The following TMOD3 variants were observed in gnomAD, a reference collection of about 807,000 sequenced individuals.
TMOD3 encodes the protein tropomodulin-3.
In TMOD3, 20 loss-of-function variants were observed where a neutral mutation model predicts 39.2. The observed-to-expected ratio is 0.51, with a 90% CI of 0.36 to 0.74. The LOEUF (loss-of-function observed/expected upper bound fraction) is 0.74, where lower values mean the gene tolerates loss of function less well. Among genes scored for constraint, TMOD3 ranks in the 30% least tolerant of loss-of-function variants. TMOD3 has a pLI of 0.00. For synonymous variants in TMOD3, 143 were observed against 145.8 expected (o/e 0.98, Z 0.14); for missense variants, 381 against 412.8 (o/e 0.92, Z 0.67).
intron 2 of TMOD3, among the ~76,000 whole-genome samples, chr15:51,866,173 G>A (rs188260072): frequency 2.0e-5 from 3 of 152,134 alleles, no homozygotes; most frequent in Non-Finnish European, 4.4e-5. Flanking sequence ...GACTGTTTTT[G>A]GCCGGGTATA....
chr15:51,871,989 GC>G (rs2141690971), intron 3 of TMOD3, among the ~76,000 whole-genome samples: 1 of 152,136 alleles, frequency 6.6e-6, no homozygotes, highest in African/African-American at 2.4e-5. Flanking sequence ...TAAGATGATA[GC>G]TTTTTTTTAA....
At chr15:51,901,115 G>A (rs150854895) in intron 8 of TMOD3, 1 of 152,244 alleles carries the variant, frequency 6.6e-6, no homozygotes, top group Non-Finnish European at 1.5e-5. Flanking sequence ...TGATCTTTTT[G>A]TGCCTGGCTT....
intron 1 of TMOD3, among the ~76,000 whole-genome samples, chr15:51,849,594 C>T (rs2056351396): frequency 6.6e-6 from 1 of 151,944 alleles, no homozygotes; most frequent in Non-Finnish European, 1.5e-5. Context: ...GTCCCCAAAG[C>T]CAAGTGAGGA....
At chr15:51,859,130 T>A (rs997684079) in intron 1 of TMOD3, 26 of 637,992 alleles carry the variant, frequency 4.1e-5, no homozygotes, top group Non-Finnish European at 7.5e-5. Context: ...ATAATACATA[T>A]TTGCCCACAG....
rs148083501 is a variant in TMOD3 at position 51,889,105 on chromosome 15, A to G, written c.456A>G (p.Ile152Met). 1.2e-6 allele frequency: 2 copies of G among 1,600,086 alleles called. No individual in the cohort carries two copies. The highest frequency in any genetic ancestry group is 1.7e-6 in the Non-Finnish European group (2 of 1,175,380). ...NLITNTKFCN[I>M]MGSSNGVDQE... ...TAACGAATACAAAGTTCTGTAATAT[A>G]ATGGGAAGTAGTAATGGTGTTGACC... The change falls in exon 5 of 10, where the codon ATA (isoleucine) becomes ATG (methionine). Residue 152 changes from isoleucine (I) to methionine (M), a missense_variant. Ile to Met is a conservative substitution (Grantham distance 10, BLOSUM62 1). Transcript: ENST00000308580.
chr15:51,876,767 C>G (rs1444494235), intron 3 of TMOD3, among the ~76,000 whole-genome samples: 1 of 151,910 alleles, frequency 6.6e-6, no homozygotes, highest in East Asian at 1.9e-4. Context: ...GGCCCCAGCG[C>G]TTTTTTTAAA....
chr15:51,876,911 A>T (rs961002807), intron 3 of TMOD3, among the ~76,000 whole-genome samples: 6 of 152,096 alleles, frequency 3.9e-5, no homozygotes, highest in African/African-American at 1.4e-4. Context: ...AAATGAAAAA[A>T]AGTTAGCTGG....
intron 1 of TMOD3, among the ~76,000 whole-genome samples, chr15:51,858,529 A>T (rs990277854): frequency 5.9e-5 from 9 of 151,792 alleles, no homozygotes; most frequent in Non-Finnish European, 8.8e-5. Context: ...AGTTGCCTGC[A>T]ATGTAGTATC....
At chr15:51,900,320 C>T (rs371646282) in intron 8 of TMOD3, 22 bp downstream of exon 8, 12 of 1,612,976 alleles carry the variant, frequency 7.4e-6, no homozygotes, top group Middle Eastern at 1.6e-4. Context: ...ACAATAATAA[C>T]GTCGAGGAAG....
At chr15:51,903,523 T>C (rs1041861120) in intron 9 of TMOD3, among the ~76,000 whole-genome samples, 19 of 152,326 alleles carry the variant, frequency 1.2e-4, no homozygotes, top group Admixed American at 1.2e-3. Flanking sequence ...ACGTGGAAAA[T>C]ATTAGCTCAA....
intron 2 of TMOD3, among the ~76,000 whole-genome samples, chr15:51,866,963 G>T (rs2056449997): frequency 6.6e-6 from 1 of 152,144 alleles, no homozygotes; most frequent in Non-Finnish European, 1.5e-5. Context: ...CTTCCCTGGG[G>T]GAATGGAGCT....
At chr15:51,854,037 A>G (rs2056376121) in intron 1 of TMOD3, among the ~76,000 whole-genome samples, 1 of 152,180 alleles carries the variant, frequency 6.6e-6, no homozygotes, top group Non-Finnish European at 1.5e-5. Flanking sequence ...TTTGGAGTAT[A>G]GGCTATGTGA....
At chr15:51,880,811 A>T (rs928734500) in intron 3 of TMOD3, among the ~76,000 whole-genome samples, 5 of 152,132 alleles carry the variant, frequency 3.3e-5, no homozygotes, top group African/African-American at 1.2e-4. Context: ...TTATATAGAC[A>T]TATGTTTTTA....
At position 51,890,245 on chromosome 15, in the gene TMOD3, T is replaced by C. The variant is rs562563706; in HGVS notation, c.496+1100T>C. ...GTGCAGTGGTACCATCTTGGCTTACTGCAACCTCCGCCTCTCAGGTTCAAG... is the reference window on the plus strand; with the variant it reads ...GTGCAGTGGTACCATCTTGGCTTACCGCAACCTCCGCCTCTCAGGTTCAAG... On this transcript the variant is annotated intron_variant, in intron 5 of 9. Coordinates refer to ENST00000308580, the MANE Select transcript of TMOD3 (RefSeq NM_014547.5). Among the ~76,000 whole-genome samples the C allele has an allele frequency of 3.3e-3, 495 of 151,786 alleles. 2 individuals are homozygous for C. The highest frequency in any genetic ancestry group is 5.9e-3 in the Non-Finnish European group (402 of 67,928).
At chr15:51,887,507 G>T in intron 3 of TMOD3, 82 bp from the exon 4 acceptor site, 1 of 1,420,912 alleles carries the variant, frequency 7.0e-7, no homozygotes, top group Non-Finnish European at 9.6e-7. Context: ...AGGTTCAGTT[G>T]TACATGCTTT....
At chr15:51,859,441 TC>T (rs2056405159) in intron 1 of TMOD3, 1 of 664,910 alleles carries the variant, frequency 1.5e-6, no homozygotes, top group Admixed American at 1.8e-5. Flanking sequence ...TGAATCATTT[TC>T]CTGAAAAAGT....
At chr15:51,902,177 T>G in intron 9 of TMOD3, 141 bp downstream of exon 9, 1 of 934,708 alleles carries the variant, frequency 1.1e-6, no homozygotes, top group Non-Finnish European at 1.6e-6. Context: ...CTTTATATAC[T>G]GATTGAATTC....
chr15:51,858,397 C>T (rs1047919337), intron 1 of TMOD3: 1 of 143,162 alleles, frequency 7.0e-6, no homozygotes, highest in Non-Finnish European at 1.5e-5. Flanking sequence ...GGACGCTTAA[C>T]AAACAGTAAT....
At chr15:51,863,647 G>A (rs566382967) in intron 2 of TMOD3, among the ~76,000 whole-genome samples, 108 of 152,298 alleles carry the variant, frequency 7.1e-4, no homozygotes, top group Middle Eastern at 3.4e-3. Flanking sequence ...GTTGGAGGAC[G>A]GGCAGTGAAG....
Sources: gnomAD v4.1 joint callset for allele counts (sites outside exome capture counted in the v4.1 genomes callset) on GRCh38, gnomAD v4.1.1 for gene constraint, MANE v1.5 for transcripts, NCBI Gene and HGNC (gene_info 2026-07-23, HGNC 2026-07-21) for gene names.